The following FBXO22 variants were observed in gnomAD, a reference collection of about 807,000 sequenced individuals.
FBXO22 encodes F-box only protein 22.
FBXO22 carries 13 observed loss-of-function variants against 37.2 expected under a neutral mutation model. The ratio of observed to expected loss-of-function variants is 0.35; its 90% CI spans 0.23 to 0.56. The LOEUF is 0.56. Ranked by LOEUF, FBXO22 falls within the 20% of genes least tolerant of loss-of-function variation. FBXO22 has a pLI of 0.87. For synonymous variants in FBXO22, 189 were observed against 189.1 expected (o/e 1.00, Z 0.00); for missense variants, 446 against 509.9 (o/e 0.87, Z 1.21).
rs58447748 is a variant in FBXO22 at position 75,909,774 on chromosome 15, C to CTT, written c.280-3416_280-3415dup. Among the ~76,000 whole-genome samples the CTT allele has an allele frequency of 1.1e-3, 155 of 145,632 alleles. 1 individual carries two copies. The highest frequency in any genetic ancestry group is 2.8e-3 in the East Asian group (14 of 5,006). ...TACCAGCAGTTTGGATGGGGTGATA[C>CTT]TTTTTTTTTTTTTTAAATTTCTGCG... On this transcript the variant is annotated intron_variant, in intron 2 of 6. Transcript: ENST00000308275.
In FBXO22 at chr15:75,934,964, C is replaced by T. The variant is rs2030219201; in HGVS notation, c.*1862C>T. The T allele has an allele frequency of 6.6e-6, 1 of 152,152 alleles. No individual in the cohort carries two copies. The highest frequency in any genetic ancestry group is 1.5e-5 in the Non-Finnish European group (1 of 68,020). 9.4% of individuals were successfully genotyped at this position (152,152 alleles called of 1,614,324 possible). A position where few individuals can be genotyped will look rare whatever the true frequency, so the allele number is the denominator to read the frequency against. On this transcript the variant is annotated 3_prime_UTR_variant, in exon 7 of 7. Transcript: ENST00000308275. ...GAGTCTGATACAGGGTAATTTCATA[C>T]AATATTTGATGTTGTTAAAGCATTC...
Position 75,933,436 on chromosome 15 carries a change from T to C in FBXO22, c.*334T>C, listed in dbSNP as rs1366934982. 1 of 244,874 alleles carries C rather than the reference T, an allele frequency of 4.1e-6. No individual in the cohort carries two copies. The highest frequency in any genetic ancestry group is 5.3e-5 in the South Asian group (1 of 18,702). The allele number at this position is 244,874 out of a possible 1,614,324, so 15.2% of individuals were successfully genotyped here. ...CAAAAGGGTATTCATCAATAGGATATAGATTTAAGACATTCCCTGACTACC... is the reference window on the plus strand; with the variant it reads ...CAAAAGGGTATTCATCAATAGGATACAGATTTAAGACATTCCCTGACTACC... On this transcript the variant is annotated 3_prime_UTR_variant, in exon 7 of 7. Coordinates refer to ENST00000308275, the MANE Select transcript of FBXO22 (RefSeq NM_147188.3).
intron 5 of FBXO22, among the ~76,000 whole-genome samples, chr15:75,922,273 T>G (rs540958941): frequency 1.3e-5 from 2 of 152,404 alleles, no homozygotes; most frequent in East Asian, 3.9e-4. Flanking sequence ...ATGCTTACTG[T>G]GCGTGTCACC....
In FBXO22 at chr15:75,937,213, TAAAA is replaced by T. The variant is rs562505830; in HGVS notation, c.*4120_*4123del. 5.7e-5 allele frequency: 8 copies of T among 141,306 alleles called. No individual in the cohort carries two copies. Among genetic ancestry groups the T allele is most frequent in the African/African-American group, 1.8e-4 (7 of 38,626 alleles). The allele number at this position is 141,306 out of a possible 1,614,324, so 8.8% of individuals were successfully genotyped here. A position where few individuals can be genotyped will look rare whatever the true frequency, so the allele number is the denominator to read the frequency against. ...AGCTTTTGTTTGCCTATCAAAACAT[TAAAA>T]AAAAAAAAGAGGCCGGGCGTGGTGG... On this transcript the variant is annotated 3_prime_UTR_variant, in exon 7 of 7. Coordinates refer to ENST00000308275, the MANE Select transcript of FBXO22 (RefSeq NM_147188.3).
In FBXO22 at chr15:75,904,701, T is replaced by A. The variant is rs144326532; in HGVS notation, c.279+72T>A. ...TCAGTCTTTGAGAACTATTTTTTTT[T>A]AAATCCCAGTTTTGTTAATTAAAGG... is the stretch of plus-strand genomic sequence containing the variant. On this transcript the variant is annotated intron_variant, in intron 2 of 6. Coordinates refer to ENST00000308275, the MANE Select transcript of FBXO22 (RefSeq NM_147188.3). 2,700 of 1,447,240 alleles carry A rather than the reference T, an allele frequency of 1.9e-3. 42 individuals carry two copies. The African/African-American group carries it at 0.034, about 18-fold the overall frequency. 89.6% of individuals were successfully genotyped at this position (1,447,240 alleles called of 1,614,324 possible).
In FBXO22 at chr15:75,939,899, A is replaced by G. The variant is rs1175756027; in HGVS notation, c.*6797A>G. ...ACTACCTGAACATAATAAAAGCCAG[A>G]CATGAAAAGCCCACGGTAGACACCA... is the stretch of plus-strand genomic sequence containing the variant. On this transcript the variant is annotated 3_prime_UTR_variant, in exon 7 of 7. Coordinates refer to ENST00000308275, the MANE Select transcript of FBXO22 (RefSeq NM_147188.3). 2.6e-5 allele frequency: 4 copies of G among 152,100 alleles called. No homozygotes were observed. Among genetic ancestry groups the G allele is most frequent in the African/African-American group, 9.7e-5 (4 of 41,426 alleles). The allele number at this position is 152,100 out of a possible 1,614,324, so 9.4% of individuals were successfully genotyped here.
rs546212074 is a variant in FBXO22 at position 75,917,145 on chromosome 15, G to C, written c.464-85G>C. 1.2e-4 allele frequency: 112 copies of C among 960,810 alleles called. No individual in the cohort carries two copies. The East Asian group carries it at 2.7e-3, about 23-fold the overall frequency. 59.5% of individuals were successfully genotyped at this position (960,810 alleles called of 1,614,324 possible). On this transcript the variant is annotated intron_variant, in intron 4 of 6. Transcript: ENST00000308275. ...CTTTTACTCAGATAGTGGCTTGTTA[G>C]CTTAATGATTATCTTAGTGACCTAA...
At chr15:75,926,217 T>C (rs1448559017) in intron 5 of FBXO22, among the ~76,000 whole-genome samples, 1 of 152,224 alleles carries the variant, frequency 6.6e-6, no homozygotes, top group East Asian at 1.9e-4. Flanking sequence ...GCCCAGAACA[T>C]TGGGTCCTTG....
chr15:75,904,387 C>T, intron 1 of FBXO22, 104 bp from the exon 2 acceptor site: 2 of 1,554,096 alleles, frequency 1.3e-6, no homozygotes, highest in Non-Finnish European at 1.8e-6. Context: ...CTTTGGATCC[C>T]GCAGGGATCT....
In FBXO22 at chr15:75,939,179, A is replaced by G. The variant is rs1009982257; in HGVS notation, c.*6077A>G. ...GAAACTACAAGTTCTTTAAAAGACC[A>G]TAAAGTTGGAAAGCCTATGCGTAGA... On this transcript the variant is annotated 3_prime_UTR_variant, in exon 7 of 7. Transcript: ENST00000308275. 5.9e-5 allele frequency: 9 copies of G among 152,128 alleles called. No individual in the cohort carries two copies. Among genetic ancestry groups the G allele is most frequent in the African/African-American group, 1.9e-4 (8 of 41,460 alleles). The allele number at this position is 152,128 out of a possible 1,614,324, so 9.4% of individuals were successfully genotyped here. A position where few individuals can be genotyped will look rare whatever the true frequency, so the allele number is the denominator to read the frequency against.
chr15:75,941,353 G>C lies in FBXO22; in HGVS notation c.*8251G>C, dbSNP rs1212384749. Reference sequence around the variant, plus strand: ...GGAAATATAGTGGTATGCAGCTGCTGTAGAAAACAGTATGGTGATTTTCCA... The same window carrying C: ...GGAAATATAGTGGTATGCAGCTGCTCTAGAAAACAGTATGGTGATTTTCCA... On this transcript the variant is annotated 3_prime_UTR_variant, in exon 7 of 7. Coordinates refer to ENST00000308275, the MANE Select transcript of FBXO22 (RefSeq NM_147188.3). 6.6e-6 allele frequency: 1 copy of C among 152,176 alleles called. No individual in the cohort carries two copies. The highest frequency in any genetic ancestry group is 1.5e-5 in the Non-Finnish European group (1 of 67,994). 9.4% of individuals were successfully genotyped at this position (152,176 alleles called of 1,614,324 possible).
rs559227073 is a variant in FBXO22 at position 75,940,909 on chromosome 15, C to G, written c.*7807C>G. ...GGCAGTGGTTTCTTGGATATGACAC[C>G]AAATTCACAGACAACGAAAGAAAAA... On this transcript the variant is annotated 3_prime_UTR_variant, in exon 7 of 7. Coordinates refer to ENST00000308275, the MANE Select transcript of FBXO22 (RefSeq NM_147188.3). 1 of 152,054 alleles carries G rather than the reference C, an allele frequency of 6.6e-6. No homozygotes were observed. Among genetic ancestry groups the G allele is most frequent in the South Asian group, 2.1e-4 (1 of 4,812 alleles). The allele number at this position is 152,054 out of a possible 1,614,324, so 9.4% of individuals were successfully genotyped here. A position where few individuals can be genotyped will look rare whatever the true frequency, so the allele number is the denominator to read the frequency against.
chr15:75,933,861 T>C lies in FBXO22; in HGVS notation c.*759T>C, dbSNP rs1233602214. The C allele has an allele frequency of 5.8e-6, 1 of 172,696 alleles. No homozygotes were observed. Among genetic ancestry groups the C allele is most frequent in the Non-Finnish European group, 1.3e-5 (1 of 78,766 alleles). The allele number at this position is 172,696 out of a possible 1,614,324, so 10.7% of individuals were successfully genotyped here. On this transcript the variant is annotated 3_prime_UTR_variant, in exon 7 of 7. Transcript: ENST00000308275. ...TGTTTTGCATTTCATTGCTTTTGGA[T>C]GAACAAAGGAAGTAAACTAATCCTT...
At chr15:75,929,759 A>G (rs2029943986) in intron 5 of FBXO22, 125 bp from the exon 6 acceptor site, 1 of 992,650 alleles carries the variant, frequency 1.0e-6, no homozygotes, top group African/African-American at 1.6e-5. Flanking sequence ...GGAAAATTTG[A>G]TAGCTTAAGC....
Position 75,916,186 on chromosome 15 carries a change from T to C in FBXO22, c.464-1044T>C, listed in dbSNP as rs558729433. ...AGCACCACAGAGTTAACCACTCTTATGATGTTAACCTCTATTTATATATGT... is the reference window on the plus strand; with the variant it reads ...AGCACCACAGAGTTAACCACTCTTACGATGTTAACCTCTATTTATATATGT... On this transcript the variant is annotated intron_variant, in intron 4 of 6. Coordinates refer to ENST00000308275, the MANE Select transcript of FBXO22 (RefSeq NM_147188.3). 1.1e-3 allele frequency among the ~76,000 whole-genome samples: 160 copies of C among 152,228 alleles called. 1 individual carries two copies. The Middle Eastern group carries it at 0.027, about 26-fold the overall frequency.
intron 2 of FBXO22, among the ~76,000 whole-genome samples, chr15:75,912,166 C>T (rs911074891): frequency 1.3e-5 from 2 of 151,836 alleles, no homozygotes; most frequent in Admixed American, 6.6e-5. Context: ...CTGCTGGATT[C>T]GGTCTGCCAG....
rs1257720259 is a variant in FBXO22, at chr15:75,940,430, A to G, written c.*7328A>G. 1 of 151,820 alleles carries G rather than the reference A, an allele frequency of 6.6e-6. No homozygotes were observed. Among genetic ancestry groups the G allele is most frequent in the Non-Finnish European group, 1.5e-5 (1 of 67,900 alleles). 9.4% of individuals were successfully genotyped at this position (151,820 alleles called of 1,614,324 possible). ...ACTCAAAGTGATGTGCAGATTCACT[A>G]CAGTCTCTATCAGAATCCTAGGATT... On this transcript the variant is annotated 3_prime_UTR_variant, in exon 7 of 7. Coordinates refer to ENST00000308275, the MANE Select transcript of FBXO22 (RefSeq NM_147188.3).
At chr15:75,929,325 T>TAAAA (rs2029923378) in intron 5 of FBXO22, among the ~76,000 whole-genome samples, 3 of 149,596 alleles carry the variant, frequency 2.0e-5, no homozygotes, top group African/African-American at 7.7e-5. Context: ...AAAAAAAATT[T>TAAAA]TTTTTAAAGA....
At chr15:75,930,155 A>C (rs1230613559) in intron 6 of FBXO22, 106 bp downstream of exon 6, 1 of 1,573,422 alleles carries the variant, frequency 6.4e-7, no homozygotes, top group African/African-American at 1.4e-5. Context: ...AGAATTATTA[A>C]GATAATAGTT....
Sources: gnomAD v4.1 joint callset for allele counts (sites outside exome capture counted in the v4.1 genomes callset) on GRCh38, gnomAD v4.1.1 for gene constraint, MANE v1.5 for transcripts, NCBI Gene and HGNC (gene_info 2026-07-23, HGNC 2026-07-21) for gene names.